SMC3: variants seen among roughly 807,000 people sequenced by gnomAD.
SMC3 encodes the protein structural maintenance of chromosomes 3.
SMC3 carries 20 observed loss-of-function variants against 171.8 expected under a neutral mutation model. The observed-to-expected ratio is 0.12, with a 90% confidence interval of 0.08 to 0.17. The LOEUF (loss-of-function observed/expected upper bound fraction) is 0.17. Among genes scored for constraint, SMC3 ranks in the 10% least tolerant of loss-of-function variants. The pLI, the probability that SMC3 is intolerant of heterozygous loss-of-function variation, is 1.00. For synonymous variants in SMC3, 464 were observed against 451.1 expected, an observed-to-expected ratio of 1.03 and a Z score of -0.36; for missense variants, 543 against 1,420.4, an observed-to-expected ratio of 0.38 and a Z score of 9.93.
intron 28 of SMC3, 138 bp downstream of exon 28, chr10:110,603,428 T>A: frequency 1.5e-6 from 1 of 646,252 alleles, no homozygotes; most frequent in South Asian, 1.9e-5. Context: ...GAAAGAACTT[T>A]TCCTTCAAAT....
intron 3 of SMC3, among the ~76,000 whole-genome samples, chr10:110,574,541 T>C (rs74942942): frequency 0.022 from 3,416 of 152,300 alleles, 53 homozygotes; most frequent in Non-Finnish European, 0.033. Context: ...CCTATTGTGG[T>C]TGTAATTTGG....
chr10:110,578,995 A>G (rs1860994555), intron 7 of SMC3, among the ~76,000 whole-genome samples: 1 of 152,254 alleles, frequency 6.6e-6, no homozygotes, highest in Admixed American at 6.5e-5. Context: ...TAGGAATTCT[A>G]TAAAAATCAC....
chr10:110,596,534 G>A lies in SMC3; in HGVS notation c.2100G>A (p.Leu700=). Residue 700 remains leucine, a synonymous_variant, in exon 19 of 29, where the codon CTG becomes CTA. Coordinates refer to ENST00000361804, the MANE Select transcript of SMC3 (RefSeq NM_005445.4). ...TTGAAGCAAAGCTCAATGAAAACCT[G>A]CGCAGAAATATTGAAAATATCTTTT... ...GELEAKLNEN[L]RRNIERINNE... is the part of the protein sequence containing the mutation. 6.2e-7 allele frequency: 1 copy of A among 1,613,926 alleles called. No homozygotes were observed. The highest frequency in any genetic ancestry group is 2.2e-5 in the East Asian group (1 of 44,860).
chr10:110,596,042 C>T (rs367616857), intron 18 of SMC3, among the ~76,000 whole-genome samples: 6 of 147,572 alleles, frequency 4.1e-5, no homozygotes, highest in African/African-American at 7.5e-5. Flanking sequence ...GTTCGAGAAC[C>T]GCCTGGGCAC....
chr10:110,577,757 G>A (rs1860974478), intron 5 of SMC3, 78 bp from the exon 6 acceptor site: 2 of 932,952 alleles, frequency 2.1e-6, no homozygotes, highest in Admixed American at 2.1e-5. Flanking sequence ...TTATGGGCAA[G>A]GACTTTAAAA....
At chr10:110,582,411 G>A in intron 9 of SMC3, 151 bp from the exon 10 acceptor site, 1 of 677,138 alleles carries the variant, frequency 1.5e-6, no homozygotes. Flanking sequence ...TAGTGCTTCA[G>A]TTTTCTAGTT....
chr10:110,592,660 G>C (rs145147063), intron 17 of SMC3, among the ~76,000 whole-genome samples: 2 of 152,086 alleles, frequency 1.3e-5, no homozygotes, highest in Non-Finnish European at 2.9e-5. Flanking sequence ...AGATACTATC[G>C]TAAGTTTTGC....
intron 2 of SMC3, among the ~76,000 whole-genome samples, chr10:110,570,677 C>T (rs11195190): frequency 0.11 from 17,042 of 152,124 alleles, 1,142 homozygotes; most frequent in East Asian, 0.26. Flanking sequence ...CTGTAACTTA[C>T]TAGCTAGAAT....
At chr10:110,600,183 C>T (rs567617356) in intron 21 of SMC3, among the ~76,000 whole-genome samples, 22 of 152,120 alleles carry the variant, frequency 1.4e-4, no homozygotes, top group African/African-American at 3.4e-4. Flanking sequence ...CTACCAACAC[C>T]GATTCTAAAA....
chr10:110,601,483 G>C (rs982203949), intron 23 of SMC3, among the ~76,000 whole-genome samples, 154 bp from the exon 24 acceptor site: 1 of 152,058 alleles, frequency 6.6e-6, no homozygotes, highest in Non-Finnish European at 1.5e-5. Context: ...TTCTAATTTT[G>C]TACTGACTTA....
chr10:110,602,765 T>C (rs759284179), intron 26 of SMC3, 60 bp from the exon 27 acceptor site: 7 of 1,582,290 alleles, frequency 4.4e-6, no homozygotes, highest in Non-Finnish European at 6.1e-6. Flanking sequence ...CAAGTTACTT[T>C]TGAAAGATGG....
intron 9 of SMC3, 113 bp downstream of exon 9, chr10:110,582,211 AC>A: frequency 1.0e-6 from 1 of 994,082 alleles, no homozygotes; most frequent in Non-Finnish European, 1.5e-6. Flanking sequence ...CTTAAAAAAA[AC>A]CTCTCAATGA....
chr10:110,589,832 A>G, intron 14 of SMC3, 60 bp from the exon 15 acceptor site: 1 of 1,524,920 alleles, frequency 6.6e-7, no homozygotes, highest in South Asian at 1.1e-5. Context: ...TAAACTGTAT[A>G]CTGTTAATGC....
In SMC3 at chr10:110,581,000, A is replaced by G. The variant is rs1386121584; in HGVS notation, c.526A>G (p.Ile176Val). ...GTATGACGAACGAAAGGAAGAAAGCATCTCCTTAATGAAAGAAACAGGTAA... is the reference window on the plus strand; with the variant it reads ...GTATGACGAACGAAAGGAAGAAAGCGTCTCCTTAATGAAAGAAACAGGTAA... ...RVYDERKEES[I>V]SLMKETEGKR... Residue 176 changes from isoleucine (I) to valine (V), a missense_variant, in exon 8 of 29, where the codon ATC (isoleucine) becomes GTC (valine). Physicochemically the swap from Ile to Val is conservative, Grantham distance 29. Around this residue, in one of 8 missense-constraint regions of SMC3, gnomAD observed 146 missense variants for 437.9 expected, o/e 0.33. Coordinates refer to ENST00000361804, the MANE Select transcript of SMC3 (RefSeq NM_005445.4). The G allele has an allele frequency of 1.8e-5, 29 of 1,574,864 alleles. No homozygotes were observed. Among genetic ancestry groups the G allele is most frequent in the Non-Finnish European group, 2.4e-5 (28 of 1,144,150 alleles).
intron 18 of SMC3, among the ~76,000 whole-genome samples, chr10:110,595,610 G>T (rs1861287355): frequency 6.6e-6 from 1 of 152,174 alleles, no homozygotes; most frequent in African/African-American, 2.4e-5. Flanking sequence ...GCCTGAATCA[G>T]TTGTTACACT....
chr10:110,573,791 C>G, intron 3 of SMC3, 46 bp downstream of exon 3: 1 of 1,194,228 alleles, frequency 8.4e-7, no homozygotes, highest in Non-Finnish European at 1.2e-6. Context: ...ACCTGGGTAT[C>G]TTAGGGTAGA....
rs534749787 is a variant in SMC3, at chr10:110,574,837, A to G, written c.131-499A>G. On this transcript the variant is annotated intron_variant, in intron 3 of 28. Transcript: ENST00000361804. ...CCCTTCTTACAGAGCTCGGTATAGT[A>G]TAAGAAGTGTAGTATAAGTTGGGCA... Among the ~76,000 whole-genome samples the G allele has an allele frequency of 7.9e-5, 12 of 152,316 alleles. No homozygotes were observed. The South Asian group carries it at 1.7e-3, about 21-fold the overall frequency.
intron 13 of SMC3, among the ~76,000 whole-genome samples, chr10:110,589,263 A>T (rs1179569616): frequency 1.3e-5 from 2 of 152,158 alleles, no homozygotes; most frequent in Non-Finnish European, 2.9e-5. Flanking sequence ...CTGAAATTGG[A>T]TTTTTCAACA....
intron 20 of SMC3, among the ~76,000 whole-genome samples, chr10:110,598,698 G>C (rs184784747): frequency 6.3e-4 from 96 of 152,198 alleles, no homozygotes; most frequent in African/African-American, 2.2e-3. Context: ...GAGCCACTGT[G>C]CCCAGGCTAG....
Sources: gnomAD v4.1 joint callset for allele counts (sites outside exome capture counted in the v4.1 genomes callset) on GRCh38, gnomAD v4.1.1 for gene constraint, gnomAD v4.1.1 regional missense constraint, MANE v1.5 for transcripts, NCBI Gene and HGNC (gene_info 2026-07-23, HGNC 2026-07-21) for gene names.